Variants in ADD2 observed in about 807,000 individuals in gnomAD.
ADD2 encodes the protein beta-adducin.
ADD2 carries 23 observed loss-of-function variants against 83.0 expected under a neutral mutation model. That is an observed-to-expected ratio of 0.28 (90% CI 0.20 to 0.39). ADD2 has a LOEUF of 0.39. Among genes scored for constraint, ADD2 ranks in the 10% least tolerant of loss-of-function variants. The pLI is 1.00. For missense variants in ADD2, 758 were observed against 944.9 expected, an observed-to-expected ratio of 0.80 and a Z score of 2.59; for synonymous variants, 375 against 375.4, an observed-to-expected ratio of 1.00 and a Z score of 0.01.
chr2:70,692,967 G>T (rs575631986), intron 6 of ADD2, among the ~76,000 whole-genome samples: 2 of 152,024 alleles, frequency 1.3e-5, no homozygotes, highest in Non-Finnish European at 1.5e-5. Context: ...ACAGAGACAG[G>T]GGGAGTCTTT....
intron 14 of ADD2, among the ~76,000 whole-genome samples, chr2:70,674,445 T>A (rs1558522047): frequency 6.6e-6 from 1 of 152,222 alleles, no homozygotes; most frequent in Admixed American, 6.5e-5. Flanking sequence ...GGCACTTCTC[T>A]AAGCACATTA....
chr2:70,725,724 A>G (rs937985489), intron 1 of ADD2, among the ~76,000 whole-genome samples: 4 of 152,016 alleles, frequency 2.6e-5, no homozygotes, highest in African/African-American at 9.7e-5. Context: ...AGCCCTACCG[A>G]CACCATGAGT....
Position 70,706,306 on chromosome 2 carries a change from G to A in ADD2, c.103C>T (p.Arg35Cys), listed in dbSNP as rs782468498. The change falls in exon 3 of 16, where the codon CGC becomes TGC. Residue 35 changes from arginine to cysteine, a missense_variant. Physicochemically the swap from Arg to Cys is radical, Grantham distance 180 (BLOSUM62 -3). Around this residue, in one of 5 missense-constraint regions of ADD2, gnomAD observed 175 missense variants for 192.1 expected, o/e 0.91. Coordinates refer to ENST00000264436, the MANE Select transcript of ADD2 (RefSeq NM_001617.4). This position sits in a 1 kb window ranked among gnomAD's most constrained non-coding sequence, Gnocchi z 5.0. ...TGCCGCAGGTCCGCCGCCCGGTTGC[G>A]AAGGCGCATGTACTCGGGGTCGTCC... Reference protein sequence around the residue: ...SEDDPEYMRLRNRAADLRQDF... With the variant: ...SEDDPEYMRLCNRAADLRQDF... The A allele has an allele frequency of 1.2e-6, 2 of 1,614,116 alleles. No individual in the cohort carries two copies. Among genetic ancestry groups the A allele is most frequent in the Non-Finnish European group, 8.5e-7 (1 of 1,180,012 alleles).
At chr2:70,682,173 G>GT (rs777390923) in intron 10 of ADD2, among the ~76,000 whole-genome samples, 1 of 152,138 alleles carries the variant, frequency 6.6e-6, no homozygotes, top group Non-Finnish European at 1.5e-5. Context: ...CTATTTGCTA[G>GT]TTTTCATGTA....
chr2:70,767,666 G>A, intron 1 of ADD2: 1 of 1,374,938 alleles, frequency 7.3e-7, no homozygotes. Context: ...AGTGCTTGCA[G>A]CCCCGATTTC....
chr2:70,683,053 C>T (rs1670541068), intron 10 of ADD2, among the ~76,000 whole-genome samples: 1 of 136,244 alleles, frequency 7.3e-6, no homozygotes, highest in African/African-American at 2.8e-5. Context: ...GACAGAGTCT[C>T]ACTCTGTCAC....
intron 2 of ADD2, among the ~76,000 whole-genome samples, chr2:70,710,532 C>T (rs1162647333): frequency 6.6e-6 from 1 of 152,218 alleles, no homozygotes; most frequent in Non-Finnish European, 1.5e-5. Context: ...GAAGCCCTGA[C>T]TCCATCACCA....
At chr2:70,750,062 C>T (rs782533828) in intron 1 of ADD2, among the ~76,000 whole-genome samples, 32 of 152,022 alleles carry the variant, frequency 2.1e-4, no homozygotes, top group Admixed American at 5.2e-4. Flanking sequence ...CCTTTCATAT[C>T]GTAGGTGCCT....
At chr2:70,766,572 A>C (rs782240699) in intron 1 of ADD2, among the ~76,000 whole-genome samples, 2 of 152,210 alleles carry the variant, frequency 1.3e-5, no homozygotes, top group Non-Finnish European at 2.9e-5. Flanking sequence ...TTTTCTCTTA[A>C]AACGGAACAT....
chr2:70,665,190 T>G (rs1271882908), intron 15 of ADD2, among the ~76,000 whole-genome samples: 1 of 152,016 alleles, frequency 6.6e-6, no homozygotes, highest in Non-Finnish European at 1.5e-5. Flanking sequence ...AGGGGTGAAG[T>G]CTGGGGAAGT....
In ADD2 at chr2:70,659,831, T is replaced by C. The variant is rs1356530568; in HGVS notation, c.*3594A>G. The C allele has an allele frequency of 2.6e-5, 4 of 152,298 alleles. No individual in the cohort carries two copies. The highest frequency in any genetic ancestry group is 7.2e-5 in the African/African-American group (3 of 41,426). The allele number at this position is 152,298 out of a possible 1,614,324, so 9.4% of individuals were successfully genotyped here. On this transcript the variant is annotated 3_prime_UTR_variant, in exon 16 of 16. Coordinates refer to ENST00000264436, the MANE Select transcript of ADD2 (RefSeq NM_001617.4). ...GTCTCTGCGAAACCACTAATCCTTC[T>C]TGTCCTCTCTCCTCCTGCCTGCCTT...
intron 1 of ADD2, among the ~76,000 whole-genome samples, chr2:70,739,278 A>T (rs1238072143): frequency 6.6e-6 from 1 of 152,248 alleles, no homozygotes; most frequent in Non-Finnish European, 1.5e-5. Context: ...AGCATATGAA[A>T]AAAAGCTCAA....
intron 1 of ADD2, among the ~76,000 whole-genome samples, chr2:70,753,324 G>A (rs1674606611): frequency 6.6e-6 from 1 of 152,178 alleles, no homozygotes; most frequent in African/African-American, 2.4e-5. Context: ...TAGCCTCAGT[G>A]CCATAAAAGA....
At chr2:70,722,171 T>G (rs1672760608) in intron 1 of ADD2, among the ~76,000 whole-genome samples, 1 of 152,104 alleles carries the variant, frequency 6.6e-6, no homozygotes, top group South Asian at 2.1e-4. Context: ...GTCTCAGAAG[T>G]GAAGGCTGAG....
chr2:70,759,446 G>GT (rs1295884492), intron 1 of ADD2, among the ~76,000 whole-genome samples: 1 of 152,114 alleles, frequency 6.6e-6, no homozygotes, highest in Non-Finnish European at 1.5e-5. Flanking sequence ...GGAACTGAGG[G>GT]TGCTGTGGTT....
intron 4 of ADD2, among the ~76,000 whole-genome samples, chr2:70,696,926 C>T (rs62149791): frequency 0.031 from 4,680 of 152,042 alleles, 82 homozygotes; most frequent in Non-Finnish European, 0.047. Context: ...TTTGGGAGGT[C>T]GAGGCGGGCG....
At chr2:70,703,310 T>C (rs1671707466) in intron 4 of ADD2, among the ~76,000 whole-genome samples, 1 of 152,098 alleles carries the variant, frequency 6.6e-6, no homozygotes, top group Non-Finnish European at 1.5e-5. Flanking sequence ...TCATCAGTAG[T>C]CAAACAAATG....
At chr2:70,700,622 A>G (rs1671541616) in intron 4 of ADD2, among the ~76,000 whole-genome samples, 1 of 152,118 alleles carries the variant, frequency 6.6e-6, no homozygotes, top group Non-Finnish European at 1.5e-5. Context: ...AGCAGAAAGA[A>G]TAACAGGACC....
intron 1 of ADD2, among the ~76,000 whole-genome samples, chr2:70,728,181 T>C (rs561296964): frequency 1.3e-5 from 2 of 152,346 alleles, no homozygotes; most frequent in South Asian, 2.1e-4. Flanking sequence ...CTGGTCACTC[T>C]TGTCCGTCCC....
Sources: gnomAD v4.1 joint callset for allele counts (sites outside exome capture counted in the v4.1 genomes callset) on GRCh38, gnomAD v4.1.1 for gene constraint, gnomAD v4.1.1 regional missense constraint, Gnocchi (gnomAD v3.1) non-coding constraint, MANE v1.5 for transcripts, NCBI Gene and HGNC (gene_info 2026-07-23, HGNC 2026-07-21) for gene names.